The following LDLRAP1 variants were observed in gnomAD, a reference collection of about 807,000 sequenced individuals.
The protein encoded by LDLRAP1 is low density lipoprotein receptor adapter protein 1.
A neutral mutation model predicts 37.8 loss-of-function variants in LDLRAP1; 30 were observed. That is an observed-to-expected ratio of 0.79 (90% CI 0.59 to 1.08). LDLRAP1 has a LOEUF of 1.08. LDLRAP1 is among the 50% of genes least tolerant of loss of function. The pLI is 0.00. For missense variants in LDLRAP1, 375 were observed against 401.6 expected (o/e 0.93, Z 0.57); for synonymous variants, 156 against 169.8 (o/e 0.92, Z 0.63).
chr1:25,554,938 A>G lies in LDLRAP1; in HGVS notation c.310A>G (p.Thr104Ala), dbSNP rs753484526. The change falls in exon 3 of 9, where the codon ACC becomes GCC. Residue 104 changes from threonine (T) to alanine (A), a missense_variant. Transcript: ENST00000374338. The surrounding 1 kb of genome is among the most constrained non-coding windows in gnomAD (Gnocchi z 5.4). ...PRGIILTDNL[T>A]NQLIENVSIY... ...GGGAATTATCCTGACAGACAACCTC[A>G]CCAACCAGCTCATTGAGAACGTGTC... is the stretch of plus-strand genomic sequence containing the variant. 5.6e-6 allele frequency: 9 copies of G among 1,614,010 alleles called. No homozygotes were observed. The highest frequency in any genetic ancestry group is 2.2e-5 in the East Asian group (1 of 44,898).
intron 5 of LDLRAP1, 31 bp downstream of exon 5, chr1:25,562,747 G>A (rs764469113): frequency 6.3e-7 from 1 of 1,595,842 alleles, no homozygotes. Flanking sequence ...TGTGGGTGTG[G>A]TGGGAGGTGG....
chr1:25,582,414 G>A, the LDLRAP1 span, among the ~76,000 whole-genome samples: 52 of 151,966 alleles, frequency 3.4e-4, no homozygotes, highest in Non-Finnish European at 5.7e-4. Flanking sequence ...GTGAAACCCC[G>A]TCTCTACTAA....
At chr1:25,585,647 TC>T in the LDLRAP1 span, among the ~76,000 whole-genome samples, 157 of 152,272 alleles carry the variant, frequency 1.0e-3, no homozygotes, top group African/African-American at 3.6e-3. Flanking sequence ...TTAACCTGGG[TC>T]CAGAGTTGGA....
chr1:25,556,299 A>C (rs1468115616), intron 3 of LDLRAP1, among the ~76,000 whole-genome samples: 1 of 152,130 alleles, frequency 6.6e-6, no homozygotes, highest in African/African-American at 2.4e-5. Flanking sequence ...GAGGGACCAG[A>C]CAAGTGAGGG....
chr1:25,578,965 CT>C, the LDLRAP1 span, among the ~76,000 whole-genome samples: 9 of 152,286 alleles, frequency 5.9e-5, no homozygotes, highest in South Asian at 1.9e-3. Context: ...AGAAACATGG[CT>C]TCTTAAATTT....
chr1:25,554,812 G>A lies in LDLRAP1; in HGVS notation c.232-48G>A. On this transcript the variant is annotated intron_variant, in intron 2 of 8. Transcript: ENST00000374338. The surrounding 1 kb of genome is among the most constrained non-coding windows in gnomAD (Gnocchi z 5.4). ...AGTGAAGTGTAAGCCATGAGGGTGG[G>A]TCTCAAGTGAGGCTGGCAGACTCCT... 1 of 1,453,900 alleles carries A rather than the reference G, an allele frequency of 6.9e-7. No individual in the cohort carries two copies. Among genetic ancestry groups the A allele is most frequent in the East Asian group, 2.3e-5 (1 of 43,792 alleles). The allele number at this position is 1,453,900 out of a possible 1,614,324, so 90.1% of individuals were successfully genotyped here.
chr1:25,556,804 A>C (rs2044211323), intron 3 of LDLRAP1, among the ~76,000 whole-genome samples: 1 of 152,232 alleles, frequency 6.6e-6, no homozygotes, highest in Non-Finnish European at 1.5e-5. Context: ...GGTAGCTTTG[A>C]GAATCACATG....
the LDLRAP1 span, among the ~76,000 whole-genome samples, chr1:25,584,089 C>G: frequency 2.0e-5 from 3 of 152,124 alleles, no homozygotes; most frequent in African/African-American, 7.2e-5. Context: ...GTGGGTTGAG[C>G]CTGTCAGCTG....
In LDLRAP1 at chr1:25,557,164, G is replaced by A; in HGVS notation, c.356G>A (p.Cys119Tyr). 2.5e-6 allele frequency: 4 copies of A among 1,613,926 alleles called. No individual in the cohort carries two copies. The highest frequency in any genetic ancestry group is 1.1e-5 in the South Asian group (1 of 91,080). ...ENVSIYRISYCTADKMHDKVF... is the reference protein window; with the variant it reads ...ENVSIYRISYYTADKMHDKVF... ...TCCTTGCCTTTCAGGATCTCCTATT[G>A]CACAGCAGACAAGATGCACGACAAG... The change falls in exon 4 of 9, where the codon TGC becomes TAC. Residue 119 changes from cysteine (C) to tyrosine (Y), a missense_variant. By Grantham distance (194) the Cys-to-Tyr change is radical (BLOSUM62 -2). Transcript: ENST00000374338.
chr1:25,578,335 G>A, the LDLRAP1 span, among the ~76,000 whole-genome samples: 4 of 152,186 alleles, frequency 2.6e-5, no homozygotes, highest in African/African-American at 4.8e-5. Flanking sequence ...AGACAACTCC[G>A]GCACGGCATT....
rs1030401844 is a variant in LDLRAP1, at chr1:25,544,802, C to A, written c.88+1016C>A. On this transcript the variant is annotated intron_variant, in intron 1 of 8. Transcript: ENST00000374338. This position sits in a 1 kb window ranked among gnomAD's most constrained non-coding sequence, Gnocchi z 4.8. ...ACTCCCACCTCCCTGCCACCTACTT[C>A]GGGCCACAGCTTCTCCCCTCATCAG... 6.6e-6 allele frequency among the ~76,000 whole-genome samples: 1 copy of A among 152,232 alleles called. No homozygotes were observed.
Position 25,554,072 on chromosome 1 carries a change from C to A in LDLRAP1, c.231+8C>A. 6.2e-7 allele frequency: 1 copy of A among 1,613,496 alleles called. No individual in the cohort carries two copies. The highest frequency in any genetic ancestry group is 1.3e-5 in the African/African-American group (1 of 75,032). On this transcript the variant is annotated splice_region_variant and intron_variant, in intron 2 of 8. Transcript: ENST00000374338. The surrounding 1 kb of genome is among the most constrained non-coding windows in gnomAD (Gnocchi z 5.4). ...AAGAGGATCGTGGCTACAGTGAGCA[C>A]CCCAGTCAGGAAGGGTGGGGGAACC...
At chr1:25,573,141 G>A (rs2044628274), downstream of LDLRAP1, among the ~76,000 whole-genome samples, 1 of 152,098 alleles carries the variant, frequency 6.6e-6, no homozygotes, top group Non-Finnish European at 1.5e-5. Context: ...TCTCCCCAGG[G>A]GTAAGGCCCA....
At position 25,553,974 on chromosome 1, in the gene LDLRAP1, G is replaced by A. The variant is rs543454612; in HGVS notation, c.141G>A (p.Leu47=). Reference sequence around the variant, plus strand: ...GGGAGACGCTGCTGGAGGGGATGCTGTTCAGCCTCAAGTACCTGGGCATGA... The same window carrying A: ...GGGAGACGCTGCTGGAGGGGATGCTATTCAGCCTCAAGTACCTGGGCATGA... The part of the protein sequence containing the change: ...DTRETLLEGM[L]FSLKYLGMTL... The change falls in exon 2 of 9, where the codon CTG becomes CTA. Residue 47 remains leucine (L), a synonymous_variant. Transcript: ENST00000374338. The A allele has an allele frequency of 2.0e-5, 32 of 1,614,058 alleles. No homozygotes were observed. The African/African-American group carries it at 2.7e-4, about 13-fold the overall frequency.
At chr1:25,553,795 G>T in intron 1 of LDLRAP1, 127 bp from the exon 2 acceptor site, 2 of 985,546 alleles carry the variant, frequency 2.0e-6, no homozygotes, top group Non-Finnish European at 3.0e-6. Context: ...AAAAAGAGTG[G>T]CAGTAGTGGT....
chr1:25,575,035 C>A, the LDLRAP1 span, among the ~76,000 whole-genome samples: 12 of 152,204 alleles, frequency 7.9e-5, no homozygotes, highest in Non-Finnish European at 1.3e-4. Flanking sequence ...TCCTCCCCAG[C>A]GGTCTCTAAC....
In LDLRAP1 at chr1:25,555,031, T is replaced by C. The variant is rs769357501; in HGVS notation, c.344+59T>C. 93 of 1,243,530 alleles carry C rather than the reference T, an allele frequency of 7.5e-5. 1 individual carries two copies. Among genetic ancestry groups the C allele is most frequent in the Admixed American group, 1.0e-4 (6 of 57,438 alleles). The allele number at this position is 1,243,530 out of a possible 1,614,324, so 77.0% of individuals were successfully genotyped here. On this transcript the variant is annotated intron_variant, in intron 3 of 8. Coordinates refer to ENST00000374338, the MANE Select transcript of LDLRAP1 (RefSeq NM_015627.3). This position sits in a 1 kb window ranked among gnomAD's most constrained non-coding sequence, Gnocchi z 4.7. ...GCCACTTGGGGCAGTGGGTGGAGTA[T>C]CCCATCTGAATCCAGGCTCTACCAC...
At position 25,544,349 on chromosome 1, in the gene LDLRAP1, C is replaced by T. The variant is rs893746875; in HGVS notation, c.88+563C>T. Among the ~76,000 whole-genome samples, 7 of 152,214 alleles carry T rather than the reference C, an allele frequency of 4.6e-5. No individual in the cohort carries two copies. The highest frequency in any genetic ancestry group is 7.3e-5 in the Non-Finnish European group (5 of 68,030). On this transcript the variant is annotated intron_variant, in intron 1 of 8. Transcript: ENST00000374338. This position sits in a 1 kb window ranked among gnomAD's most constrained non-coding sequence, Gnocchi z 4.8. The stretch of plus-strand genomic sequence containing the variant: ...GTGAGCCCGGGGTCGCAGGTACGTA[C>T]TTGAAATTGGGAACGAGGCCCCGCC...
At chr1:25,559,036 C>T (rs2044279997) in intron 4 of LDLRAP1, among the ~76,000 whole-genome samples, 1 of 152,122 alleles carries the variant, frequency 6.6e-6, no homozygotes, top group South Asian at 2.1e-4. Flanking sequence ...TGAAAGGCCC[C>T]GGGTTCTTTT....
Sources: allele counts gnomAD v4.1 joint callset (sites outside exome capture counted in the v4.1 genomes callset), GRCh38; gene constraint gnomAD v4.1.1; non-coding constraint Gnocchi (gnomAD v3.1); transcripts MANE v1.5; gene names NCBI Gene and HGNC (gene_info 2026-07-23, HGNC 2026-07-21).